CTNNA2: variants seen among roughly 807,000 people sequenced by gnomAD.
CTNNA2 encodes catenin alpha-2.
Under a neutral mutation model 101.0 loss-of-function variants are expected in CTNNA2, and 42 were observed. The ratio of observed to expected loss-of-function variants is 0.42; its 90% CI spans 0.32 to 0.54. CTNNA2 has a LOEUF of 0.54. CTNNA2 is among the 20% of genes least tolerant of loss of function. CTNNA2 has a pLI of 0.14. For missense variants in CTNNA2, 871 were observed against 1,223.1 expected, an observed-to-expected ratio of 0.71 and a Z score of 4.29; for synonymous variants, 450 against 456.4, an observed-to-expected ratio of 0.99 and a Z score of 0.18.
At chr2:79,228,894 A>G (rs1020838143) in intron 2 of CTNNA2, among the ~76,000 whole-genome samples, 2 of 152,124 alleles carry the variant, frequency 1.3e-5, no homozygotes, top group African/African-American at 4.8e-5. Context: ...AGGGGGTATT[A>G]CATTTACATT....
Position 80,303,130 on chromosome 2 carries a change from C to T in CTNNA2, c.1057-90081C>T. ...AGAGCGAGTGCAGGGAGATGAGGCG[C>T]GGGAAGTGGGCGAAGTTCACCTTGA... On this transcript the variant is annotated intron_variant, in intron 7 of 18. Transcript: ENST00000402739. This position sits in a 1 kb window ranked among gnomAD's most constrained non-coding sequence, Gnocchi z 7.7. 1 of 1,614,048 alleles carries T rather than the reference C, an allele frequency of 6.2e-7. No individual in the cohort carries two copies. Among genetic ancestry groups the T allele is most frequent in the Non-Finnish European group, 8.5e-7 (1 of 1,180,032 alleles).
chr2:79,530,536 A>G (rs1316482867), intron 1 of CTNNA2, among the ~76,000 whole-genome samples: 2 of 152,026 alleles, frequency 1.3e-5, no homozygotes, highest in African/African-American at 4.8e-5. Flanking sequence ...GTGAAGGAAG[A>G]GTTTCCAAGT....
chr2:80,150,795 A>ATATT (rs1703650273), intron 7 of CTNNA2, among the ~76,000 whole-genome samples: 1 of 152,212 alleles, frequency 6.6e-6, no homozygotes, highest in Non-Finnish European at 1.5e-5. Flanking sequence ...CTGAAAATGG[A>ATATT]TATTTACACT....
intron 4 of CTNNA2, among the ~76,000 whole-genome samples, chr2:79,488,356 A>G (rs1233553384): frequency 6.6e-6 from 1 of 150,972 alleles, no homozygotes; most frequent in East Asian, 1.9e-4. Flanking sequence ...CAGTTCAAAC[A>G]CATGTGTGGC....
intron 4 of CTNNA2, among the ~76,000 whole-genome samples, chr2:79,475,958 T>A (rs1671046149): frequency 6.6e-6 from 1 of 152,220 alleles, no homozygotes; most frequent in Non-Finnish European, 1.5e-5. Context: ...CAAATTCATT[T>A]CTGTAGATAA....
At chr2:80,618,147 G>A (rs1218193043) in intron 17 of CTNNA2, among the ~76,000 whole-genome samples, 1 of 151,768 alleles carries the variant, frequency 6.6e-6, no homozygotes, top group Non-Finnish European at 1.5e-5. Flanking sequence ...CTATTCTCAT[G>A]CCTTTTCTTG....
intron 2 of CTNNA2, among the ~76,000 whole-genome samples, chr2:79,740,984 G>GA (rs550808480): frequency 1.3e-5 from 2 of 152,198 alleles, no homozygotes; most frequent in African/African-American, 4.8e-5. Context: ...AACATGATGG[G>GA]AAAAAATGAC....
At chr2:79,340,833 C>CAAAAAAAAA (rs56276462) in intron 3 of CTNNA2, among the ~76,000 whole-genome samples, 5 of 32,522 alleles carry the variant, frequency 1.5e-4, no homozygotes, top group Non-Finnish European at 2.1e-4. Flanking sequence ...GACTCAGTCT[C>CAAAAAAAAA]AAAAAAAAAA....
chr2:79,415,751 T>C (rs1476313348), intron 4 of CTNNA2, among the ~76,000 whole-genome samples: 1 of 152,122 alleles, frequency 6.6e-6, no homozygotes, highest in East Asian at 1.9e-4. Context: ...CTTAAAGTTT[T>C]TTTTCATCCC....
chr2:80,350,334 T>A (rs972268415), intron 7 of CTNNA2, among the ~76,000 whole-genome samples: 1 of 152,202 alleles, frequency 6.6e-6, no homozygotes, highest in Admixed American at 6.5e-5. Context: ...TGTAGCATTC[T>A]TATTCTCTAT....
chr2:80,437,549 A>G (rs909230746), intron 9 of CTNNA2, among the ~76,000 whole-genome samples: 3 of 152,332 alleles, frequency 2.0e-5, no homozygotes, highest in Non-Finnish European at 2.9e-5. Context: ...AGAAATGCAT[A>G]ATTACTATTG....
chr2:79,600,610 T>G (rs933776984), intron 1 of CTNNA2, among the ~76,000 whole-genome samples: 6 of 152,048 alleles, frequency 3.9e-5, no homozygotes, highest in African/African-American at 1.5e-4. Flanking sequence ...GTAGAAAATA[T>G]AAATAACAAT....
chr2:79,647,528 G>A (rs957445654), intron 1 of CTNNA2, among the ~76,000 whole-genome samples: 1 of 151,708 alleles, frequency 6.6e-6, no homozygotes, highest in Non-Finnish European at 1.5e-5. Flanking sequence ...TTCAGTATAC[G>A]TTCCTTATTT....
chr2:80,068,767 C>T (rs1289198972), intron 7 of CTNNA2, among the ~76,000 whole-genome samples: 2 of 152,124 alleles, frequency 1.3e-5, no homozygotes, highest in Admixed American at 1.3e-4. Flanking sequence ...ACTCAGGAAC[C>T]TGATAGTTAT....
intron 1 of CTNNA2, among the ~76,000 whole-genome samples, chr2:79,187,593 A>G (rs946869515): frequency 2.0e-5 from 3 of 152,206 alleles, no homozygotes; most frequent in African/African-American, 4.8e-5. Flanking sequence ...TTTGAGTCAT[A>G]TGTATTGGTA....
At chr2:80,446,125 G>T (rs1282832376) in intron 9 of CTNNA2, among the ~76,000 whole-genome samples, 2 of 152,212 alleles carry the variant, frequency 1.3e-5, no homozygotes, top group Non-Finnish European at 2.9e-5. Context: ...TGTTGCCATA[G>T]CAGCCTTGTA....
At chr2:80,442,242 G>A (rs968035060) in intron 9 of CTNNA2, among the ~76,000 whole-genome samples, 22 of 152,164 alleles carry the variant, frequency 1.4e-4, no homozygotes, top group Non-Finnish European at 3.2e-4. Flanking sequence ...TGGTCAGTGG[G>A]CATTCATGAG....
intron 3 of CTNNA2, among the ~76,000 whole-genome samples, chr2:79,336,108 G>A (rs1447629412): frequency 6.6e-6 from 1 of 152,190 alleles, no homozygotes; most frequent in Non-Finnish European, 1.5e-5. Flanking sequence ...TGAGGAATAT[G>A]CATTATGTTT....
chr2:79,325,353 G>A (rs754903735), intron 3 of CTNNA2, among the ~76,000 whole-genome samples: 4 of 152,168 alleles, frequency 2.6e-5, no homozygotes, highest in East Asian at 3.9e-4. Flanking sequence ...AGAGAGAGAC[G>A]AGAAAGGCTG....
Sources: allele counts gnomAD v4.1 joint callset (sites outside exome capture counted in the v4.1 genomes callset), GRCh38; gene constraint gnomAD v4.1.1; non-coding constraint Gnocchi (gnomAD v3.1); transcripts MANE v1.5; gene names NCBI Gene and HGNC (gene_info 2026-07-23, HGNC 2026-07-21).